CNNM2: variants seen among roughly 807,000 people sequenced by gnomAD.
CNNM2 encodes cyclin and CBS domain divalent metal cation transport mediator 2, also known as metal transporter CNNM2.
Under a neutral mutation model 66.9 loss-of-function variants are expected in CNNM2, and 12 were observed. The observed-to-expected ratio is 0.18, with a 90% CI of 0.11 to 0.29. The LOEUF (loss-of-function observed/expected upper bound fraction) is 0.29, where lower values mean the gene tolerates loss of function less well. CNNM2 is among the 10% of genes least tolerant of loss of function. CNNM2 has a pLI of 1.00. For synonymous variants in CNNM2, 557 were observed against 501.8 expected (o/e 1.11, Z -1.47); for missense variants, 705 against 1,167.7 (o/e 0.60, Z 5.77).
At position 103,086,870 on chromosome 10, in the gene CNNM2, ACT is replaced by A. The variant is rs2065820461; in HGVS notation, c.*9691_*9692del. The A allele has an allele frequency of 6.6e-6, 1 of 152,198 alleles. No homozygotes were observed. The highest frequency in any genetic ancestry group is 6.5e-5 in the Admixed American group (1 of 15,276). 9.4% of individuals were successfully genotyped at this position (152,198 alleles called of 1,614,324 possible). A position where few individuals can be genotyped will look rare whatever the true frequency, so the allele number is the denominator to read the frequency against. ...AAGTACACCATCAGAGTTTTCACTG[ACT>A]ATCTATCTTTGCAGAGATGAATGAA... On this transcript the variant is annotated 3_prime_UTR_variant, in exon 8 of 8. Coordinates refer to ENST00000369878, the MANE Select transcript of CNNM2 (RefSeq NM_017649.5).
chr10:102,941,953 G>A (rs1846451127), intron 1 of CNNM2, among the ~76,000 whole-genome samples: 1 of 152,148 alleles, frequency 6.6e-6, no homozygotes, highest in African/African-American at 2.4e-5. Context: ...AGAATGTGTT[G>A]TGATACTAGT....
At chr10:103,068,145 T>C (rs1488743121) in intron 4 of CNNM2, among the ~76,000 whole-genome samples, 1 of 152,198 alleles carries the variant, frequency 6.6e-6, no homozygotes, top group Non-Finnish European at 1.5e-5. Flanking sequence ...TTTCCATTGC[T>C]GGAGGCCTCC....
intron 1 of CNNM2, among the ~76,000 whole-genome samples, chr10:102,994,137 A>G (rs1004108553): frequency 1.1e-4 from 16 of 152,102 alleles, no homozygotes; most frequent in Admixed American, 3.3e-4. Context: ...GGGTTTCACC[A>G]TGTTGGCCAG....
intron 1 of CNNM2, among the ~76,000 whole-genome samples, chr10:103,015,422 T>C (rs934773780): frequency 6.6e-6 from 1 of 152,184 alleles, no homozygotes; most frequent in African/African-American, 2.4e-5. Flanking sequence ...TTTGCACTGA[T>C]AGAACTGTGT....
At chr10:103,018,628 C>T (rs1161655140) in intron 1 of CNNM2, among the ~76,000 whole-genome samples, 1 of 151,002 alleles carries the variant, frequency 6.6e-6, no homozygotes, top group Non-Finnish European at 1.5e-5. Flanking sequence ...GAGGTGGAAT[C>T]TCCACTAAGG....
chr10:102,919,103 C>A lies in CNNM2; in HGVS notation c.623C>A (p.Thr208Lys). The change falls in exon 1 of 8, where the codon ACG (threonine) becomes AAG (lysine). Residue 208 changes from threonine (T) to lysine (K), a missense_variant. Physicochemically the swap from Thr to Lys is moderately conservative, Grantham distance 78. This residue lies in a region of CNNM2 where 100 missense variants were observed against 151.9 expected (regional missense o/e 0.66). Transcript: ENST00000369878. ...PALGAGGSGSTGGAVGGKGGS... is the reference protein window; with the variant it reads ...PALGAGGSGSKGGAVGGKGGS... ...CTGGGCGCCGGCGGCTCGGGGTCCA[C>A]GGGTGGCGCCGTCGGGGGCAAGGGT... The A allele has an allele frequency of 4.3e-6, 7 of 1,610,908 alleles. No individual in the cohort carries two copies. Among genetic ancestry groups the A allele is most frequent in the Non-Finnish European group, 5.9e-6 (7 of 1,179,020 alleles).
intron 4 of CNNM2, among the ~76,000 whole-genome samples, chr10:103,058,930 G>A (rs2065339062): frequency 6.6e-6 from 1 of 152,142 alleles, no homozygotes; most frequent in Non-Finnish European, 1.5e-5. Flanking sequence ...TGCCACTTTA[G>A]GGAGCATGAT....
chr10:103,050,650 C>G lies in CNNM2; in HGVS notation c.1765+800C>G, dbSNP rs143060061. ...GTGGAGGTGAGATGTGCAAGTGTAG[C>G]TTGCTGGGGCAGTGGGTCGGGGGTG... On this transcript the variant is annotated intron_variant, in intron 2 of 7. Transcript: ENST00000369878. Among the ~76,000 whole-genome samples, 109 of 151,944 alleles carry G rather than the reference C, an allele frequency of 7.2e-4. 1 individual carries two copies. Among genetic ancestry groups the G allele is most frequent in the African/African-American group, 2.6e-3 (106 of 41,442 alleles).
rs529522775 is a variant in CNNM2 at position 103,088,982 on chromosome 10, A to T, written c.*11802A>T. The T allele has an allele frequency of 4.8e-6, 1 of 209,470 alleles. No individual in the cohort carries two copies. Among genetic ancestry groups the T allele is most frequent in the African/African-American group, 2.3e-5 (1 of 44,108 alleles). 13.0% of individuals were successfully genotyped at this position (209,470 alleles called of 1,614,324 possible). A position where few individuals can be genotyped will look rare whatever the true frequency, so the allele number is the denominator to read the frequency against. ...TATAGATTTATCACAGATAAGAAGGAGGTTGTTTTTGGATAACAAATAAGC... is the reference window on the plus strand; with the variant it reads ...TATAGATTTATCACAGATAAGAAGGTGGTTGTTTTTGGATAACAAATAAGC... On this transcript the variant is annotated 3_prime_UTR_variant, in exon 8 of 8. Coordinates refer to ENST00000369878, the MANE Select transcript of CNNM2 (RefSeq NM_017649.5).
Position 103,079,260 on chromosome 10 carries a change from C to T in CNNM2, c.*2080C>T, listed in dbSNP as rs1423588975. On this transcript the variant is annotated 3_prime_UTR_variant, in exon 8 of 8. Coordinates refer to ENST00000369878, the MANE Select transcript of CNNM2 (RefSeq NM_017649.5). ...GAGGGGTCCTTGCAACAAAGCAAAG[C>T]GTAGCCCATGCTGGAAGAGGGCATC... 2.0e-5 allele frequency: 3 copies of T among 152,318 alleles called. No homozygotes were observed. Among genetic ancestry groups the T allele is most frequent in the Admixed American group, 6.5e-5 (1 of 15,282 alleles). The allele number at this position is 152,318 out of a possible 1,614,324, so 9.4% of individuals were successfully genotyped here. A position where few individuals can be genotyped will look rare whatever the true frequency, so the allele number is the denominator to read the frequency against.
At position 103,050,526 on chromosome 10, in the gene CNNM2, G is replaced by C. The variant is rs138482866; in HGVS notation, c.1765+676G>C. Among the ~76,000 whole-genome samples the C allele has an allele frequency of 3.6e-3, 533 of 147,298 alleles. 4 individuals are homozygous for C. Among genetic ancestry groups the C allele is most frequent in the African/African-American group, 0.013 (520 of 40,044 alleles). On this transcript the variant is annotated intron_variant, in intron 2 of 7. Coordinates refer to ENST00000369878, the MANE Select transcript of CNNM2 (RefSeq NM_017649.5). Reference sequence around the variant, plus strand: ...TACTCCAGCCTGGTTAACAGAGTGAGAGTCCACCTCAAAAAAAAAAAAAAA... The same window carrying C: ...TACTCCAGCCTGGTTAACAGAGTGACAGTCCACCTCAAAAAAAAAAAAAAA...
At chr10:102,925,764 T>G (rs1465731322) in intron 1 of CNNM2, among the ~76,000 whole-genome samples, 1 of 152,248 alleles carries the variant, frequency 6.6e-6, no homozygotes, top group Non-Finnish European at 1.5e-5. Context: ...AAGCAATTTT[T>G]GACAAGCATT....
chr10:103,038,289 CTT>C, intron 1 of CNNM2, among the ~76,000 whole-genome samples: 1 of 152,128 alleles, frequency 6.6e-6, no homozygotes, highest in African/African-American at 2.4e-5. Flanking sequence ...TATTTCTGGT[CTT>C]ACTGCATGGA....
At chr10:103,049,900 T>G in intron 2 of CNNM2, 50 bp downstream of exon 2, 1 of 1,582,614 alleles carries the variant, frequency 6.3e-7, no homozygotes. Context: ...CTTTTTTTGT[T>G]GTGCTGTTTG....
At chr10:102,973,928 C>G (rs1244384490) in intron 1 of CNNM2, among the ~76,000 whole-genome samples, 1 of 152,022 alleles carries the variant, frequency 6.6e-6, no homozygotes. Context: ...ACCCACCTAT[C>G]CTTTCTGCTC....
In CNNM2 at chr10:102,918,395, C is replaced by T; in HGVS notation, c.-86C>T. On this transcript the variant is annotated 5_prime_UTR_variant, in exon 1 of 8. Transcript: ENST00000369878. The surrounding 1 kb of genome is among the most constrained non-coding windows in gnomAD (Gnocchi z 4.1). ...AACTGCTGAGCACTGGCCGCGGACGCTCCGTTGCAGTCTCGCCCAGGGGCC... is the reference window on the plus strand; with the variant it reads ...AACTGCTGAGCACTGGCCGCGGACGTTCCGTTGCAGTCTCGCCCAGGGGCC... 1.3e-6 allele frequency: 2 copies of T among 1,534,806 alleles called. No individual in the cohort carries two copies. Among genetic ancestry groups the T allele is most frequent in the Non-Finnish European group, 1.7e-6 (2 of 1,148,070 alleles).
chr10:103,002,712 C>G (rs543740331), intron 1 of CNNM2, among the ~76,000 whole-genome samples: 1 of 152,130 alleles, frequency 6.6e-6, no homozygotes, highest in Admixed American at 6.5e-5. Flanking sequence ...CTCCCAGCCT[C>G]AGGTGATCCA....
rs535999991 is a variant in CNNM2, at chr10:103,083,601, G to A, written c.*6421G>A. On this transcript the variant is annotated 3_prime_UTR_variant, in exon 8 of 8. Coordinates refer to ENST00000369878, the MANE Select transcript of CNNM2 (RefSeq NM_017649.5). ...GTGGGTACTAGTTCTGTGCCTCCAA[G>A]TCACAGCCTGGTACAGCCAATCCTA... 6 of 152,338 alleles carry A rather than the reference G, an allele frequency of 3.9e-5. No homozygotes were observed. In the South Asian group the frequency reaches 6.2e-4, roughly 16 times the overall value. 9.4% of individuals were successfully genotyped at this position (152,338 alleles called of 1,614,324 possible). A position where few individuals can be genotyped will look rare whatever the true frequency, so the allele number is the denominator to read the frequency against.
intron 1 of CNNM2, among the ~76,000 whole-genome samples, chr10:102,970,402 C>A (rs1396010020): frequency 6.6e-6 from 1 of 152,180 alleles, no homozygotes; most frequent in Non-Finnish European, 1.5e-5. Context: ...CATGCCTATT[C>A]ATTTATGTGT....
Sources: gnomAD v4.1 joint callset for allele counts (sites outside exome capture counted in the v4.1 genomes callset) on GRCh38, gnomAD v4.1.1 for gene constraint, gnomAD v4.1.1 regional missense constraint, Gnocchi (gnomAD v3.1) non-coding constraint, MANE v1.5 for transcripts, NCBI Gene and HGNC (gene_info 2026-07-23, HGNC 2026-07-21) for gene names.